FAF1: variants seen among roughly 807,000 people sequenced by gnomAD.
The protein encoded by FAF1 is FAS-associated factor 1.
FAF1 carries 25 observed loss-of-function variants against 92.5 expected under a neutral mutation model. The observed-to-expected ratio is 0.27, with a 90% CI of 0.20 to 0.38. The LOEUF is 0.38. Among genes scored for constraint, FAF1 ranks in the 10% least tolerant of loss-of-function variants. The pLI is 1.00. For synonymous variants in FAF1, 234 were observed against 273.2 expected (o/e 0.86, Z 1.42); for missense variants, 636 against 793.3 (o/e 0.80, Z 2.38).
Position 50,441,359 on chromosome 1 carries a change from G to A in FAF1, c.*81C>T. The A allele has an allele frequency of 4.0e-6, 3 of 744,750 alleles. No homozygotes were observed. Among genetic ancestry groups the A allele is most frequent in the Non-Finnish European group, 6.5e-6 (3 of 463,064 alleles). The allele number at this position is 744,750 out of a possible 1,614,324, so 46.1% of individuals were successfully genotyped here. A position where few individuals can be genotyped will look rare whatever the true frequency, so the allele number is the denominator to read the frequency against. The stretch of plus-strand genomic sequence containing the variant: ...ATTGAATTGAGTGAGACGAGCGTGT[G>A]GGTGGGTTGGCGAGGAGCCCTTCTC... On this transcript the variant is annotated 3_prime_UTR_variant, in exon 19 of 19. Transcript: ENST00000396153.
intron 7 of FAF1, among the ~76,000 whole-genome samples, chr1:50,691,952 T>C (rs1485698356): frequency 6.6e-6 from 1 of 152,192 alleles, no homozygotes; most frequent in African/African-American, 2.4e-5. Context: ...CCAGGTGTGG[T>C]GGCTGACACC....
intron 1 of FAF1, among the ~76,000 whole-genome samples, chr1:50,956,023 C>A (rs1056914072): frequency 6.6e-6 from 1 of 151,996 alleles, no homozygotes; most frequent in African/African-American, 2.4e-5. Flanking sequence ...TAAATAAGTA[C>A]GGTAACAGAT....
chr1:50,708,356 A>G (rs1657778158), intron 6 of FAF1, among the ~76,000 whole-genome samples: 1 of 152,146 alleles, frequency 6.6e-6, no homozygotes, highest in Admixed American at 6.6e-5. Context: ...AGTGTGAGAG[A>G]AAAACATAAC....
chr1:50,819,730 C>CATATAT (rs1427332133), intron 2 of FAF1, among the ~76,000 whole-genome samples: 1 of 35,890 alleles, frequency 2.8e-5, no homozygotes, highest in Non-Finnish European at 4.7e-5. Context: ...TATATATATA[C>CATATAT]ATATATATAC....
chr1:50,746,280 ATATATATATATATTTTTTTTTTT>A (rs1415233557), intron 4 of FAF1, among the ~76,000 whole-genome samples: 3 of 18,868 alleles, frequency 1.6e-4, no homozygotes, highest in African/African-American at 8.2e-4. Context: ...ATATATATAT[ATATATATATATATTTTTTTTTTT>A]TTTTTTTTTT....
intron 7 of FAF1, among the ~76,000 whole-genome samples, chr1:50,673,458 T>A (rs1039278001): frequency 6.6e-6 from 1 of 152,168 alleles, no homozygotes; most frequent in African/African-American, 2.4e-5. Context: ...AGGTATTATT[T>A]TGTAGTAGTG....
chr1:50,935,102 A>G (rs1430742824), intron 1 of FAF1, among the ~76,000 whole-genome samples: 1 of 152,234 alleles, frequency 6.6e-6, no homozygotes, highest in Non-Finnish European at 1.5e-5. Flanking sequence ...AAATGTGGCA[A>G]TAAGATCCAT....
At chr1:50,796,482 T>A (rs1661755441) in intron 3 of FAF1, among the ~76,000 whole-genome samples, 1 of 152,182 alleles carries the variant, frequency 6.6e-6, no homozygotes, top group African/African-American at 2.4e-5. Context: ...AATAAAGTTC[T>A]GTTAACCTCA....
At chr1:50,892,345 G>A (rs1644726764) in intron 1 of FAF1, among the ~76,000 whole-genome samples, 1 of 152,214 alleles carries the variant, frequency 6.6e-6, no homozygotes, top group African/African-American at 2.4e-5. Flanking sequence ...GTTCACGCTT[G>A]GTGCGCTGCA....
intron 1 of FAF1, among the ~76,000 whole-genome samples, chr1:50,868,410 C>A (rs981732847): frequency 6.6e-6 from 1 of 152,080 alleles, no homozygotes; most frequent in African/African-American, 2.4e-5. Context: ...TTTTATTTCA[C>A]TCATTTCTGG....
intron 1 of FAF1, among the ~76,000 whole-genome samples, chr1:50,951,311 T>C (rs1645212488): frequency 6.6e-6 from 1 of 152,232 alleles, no homozygotes; most frequent in South Asian, 2.1e-4. Context: ...TGGGTCTCAA[T>C]TTCCACAAAG....
chr1:50,630,772 T>C (rs1653738202), intron 8 of FAF1, among the ~76,000 whole-genome samples: 1 of 151,804 alleles, frequency 6.6e-6, no homozygotes, highest in South Asian at 2.1e-4. Context: ...TTTAATATCG[T>C]AGTCTCCCCT....
intron 3 of FAF1, among the ~76,000 whole-genome samples, chr1:50,801,119 C>A (rs1661973492): frequency 6.6e-6 from 1 of 152,208 alleles, no homozygotes; most frequent in South Asian, 2.1e-4. Context: ...AACCATTCCA[C>A]TTGTTAACAC....
At chr1:50,821,776 A>C (rs1413652131) in intron 2 of FAF1, among the ~76,000 whole-genome samples, 1 of 152,244 alleles carries the variant, frequency 6.6e-6, no homozygotes, top group Non-Finnish European at 1.5e-5. Flanking sequence ...AACTGCTTTT[A>C]CAGTAATTAT....
chr1:50,682,642 A>C lies in FAF1; in HGVS notation c.657+23144T>G, dbSNP rs1176223924. 1.3e-5 allele frequency among the ~76,000 whole-genome samples: 2 copies of C among 152,336 alleles called. 1 individual carries two copies. Among genetic ancestry groups the C allele is most frequent in the Middle Eastern group, 6.8e-3 (2 of 294 alleles). ...CTTACCTCCTTGGTTACAAAAGTAA[A>C]TCTGCTATATATTTAGTATTATATA... On this transcript the variant is annotated intron_variant, in intron 7 of 18. Coordinates refer to ENST00000396153, the MANE Select transcript of FAF1 (RefSeq NM_007051.3).
intron 2 of FAF1, 86 bp from the exon 3 acceptor site, chr1:50,801,763 T>G: frequency 1.3e-6 from 1 of 782,100 alleles, no homozygotes; most frequent in Non-Finnish European, 2.2e-6. Flanking sequence ...GAAATAAGTA[T>G]ATTTTTAAAA....
chr1:50,559,952 C>T (rs942555192), intron 13 of FAF1, among the ~76,000 whole-genome samples: 2 of 152,160 alleles, frequency 1.3e-5, no homozygotes, highest in Admixed American at 6.5e-5. Flanking sequence ...AAATCTGGCA[C>T]GAAGGCTCTC....
chr1:50,808,673 A>C (rs969829569), intron 2 of FAF1, among the ~76,000 whole-genome samples: 5 of 151,860 alleles, frequency 3.3e-5, no homozygotes, highest in Non-Finnish European at 2.9e-5. Context: ...AAAAAAAAAA[A>C]CTTTTCTCCC....
At chr1:50,554,390 T>TATATATATAGAGAGAGAGAGAG in intron 13 of FAF1, among the ~76,000 whole-genome samples, 46 of 93,684 alleles carry the variant, frequency 4.9e-4, no homozygotes, top group African/African-American at 2.1e-3. Flanking sequence ...TATATATATA[T>TATATATATAGAGAGAGAGAGAG]AGAGAGAGAG....
Sources: gnomAD v4.1 joint callset for allele counts (sites outside exome capture counted in the v4.1 genomes callset) on GRCh38, gnomAD v4.1.1 for gene constraint, MANE v1.5 for transcripts, NCBI Gene and HGNC (gene_info 2026-07-23, HGNC 2026-07-21) for gene names.